NUF2: variants seen among roughly 807,000 people sequenced by gnomAD.
The protein encoded by NUF2 is NUF2 component of NDC80 kinetochore complex.
In NUF2, 34 loss-of-function variants were observed where a neutral mutation model predicts 61.8. The ratio of observed to expected loss-of-function variants is 0.55; its 90% CI spans 0.42 to 0.73. The LOEUF is 0.73. Among genes scored for constraint, NUF2 ranks in the 30% least tolerant of loss-of-function variants. The pLI, the probability that NUF2 is intolerant of heterozygous loss-of-function variation, is 0.00. For missense variants in NUF2, 445 were observed against 539.1 expected, an observed-to-expected ratio of 0.83 and a Z score of 1.73; for synonymous variants, 172 against 181.6, an observed-to-expected ratio of 0.95 and a Z score of 0.42.
At chr1:163,347,016 T>C (rs537289957) in intron 11 of NUF2, among the ~76,000 whole-genome samples, 1 of 152,280 alleles carries the variant, frequency 6.6e-6, no homozygotes, top group South Asian at 2.1e-4. Flanking sequence ...ACTGTAACCA[T>C]GGAAAGTGAA....
chr1:163,346,157 A>G (rs1651120621), intron 11 of NUF2: 1 of 153,958 alleles, frequency 6.5e-6, no homozygotes, highest in East Asian at 1.9e-4. Context: ...AACAAACCTT[A>G]TATATATATA....
At chr1:163,352,266 G>A (rs12024888) in intron 13 of NUF2, among the ~76,000 whole-genome samples, 1 of 152,080 alleles carries the variant, frequency 6.6e-6, no homozygotes, top group Non-Finnish European at 1.5e-5. Context: ...ATTATTATAC[G>A]TCTGTCACAT....
Position 163,355,414 on chromosome 1 carries a change from A to C in NUF2, c.1340A>C (p.Lys447Thr). The C allele has an allele frequency of 6.2e-7, 1 of 1,608,548 alleles. No homozygotes were observed. The highest frequency in any genetic ancestry group is 8.5e-7 in the Non-Finnish European group (1 of 1,176,828). Reference sequence around the variant, plus strand: ...AAGGCAGCAGAGGACTCCTATGCTAAGATAGATGAGAAGACAGCTGAACTG... The same window carrying C: ...AAGGCAGCAGAGGACTCCTATGCTACGATAGATGAGAAGACAGCTGAACTG... The part of the protein sequence containing the change: ...IEKAAEDSYA[K>T]IDEKTAELKR... The change falls in exon 14 of 14, where the codon AAG (lysine) becomes ACG (threonine). Residue 447 changes from lysine (K) to threonine (T), a missense_variant. Physicochemically the swap from Lys to Thr is moderately conservative, Grantham distance 78. Coordinates refer to ENST00000271452, the MANE Select transcript of NUF2 (RefSeq NM_145697.3).
intron 9 of NUF2, among the ~76,000 whole-genome samples, chr1:163,343,082 C>T (rs1342131710): frequency 6.6e-6 from 1 of 152,126 alleles, no homozygotes; most frequent in Non-Finnish European, 1.5e-5. Context: ...TCCAGCTACC[C>T]TTCACTTTGA....
intron 8 of NUF2, among the ~76,000 whole-genome samples, chr1:163,340,008 C>T (rs541565731): frequency 3.9e-5 from 6 of 152,240 alleles, no homozygotes; most frequent in African/African-American, 7.2e-5. Context: ...CTGAAATATA[C>T]GCTCCAACGT....
intron 12 of NUF2, 49 bp downstream of exon 12, chr1:163,347,987 A>G (rs556751790): frequency 1.5e-6 from 2 of 1,304,424 alleles, no homozygotes; most frequent in African/African-American, 3.1e-5. Flanking sequence ...ATTATGAAAA[A>G]CAAATACATT....
intron 2 of NUF2, among the ~76,000 whole-genome samples, chr1:163,326,785 C>T (rs1477147698): frequency 6.7e-6 from 1 of 149,824 alleles, no homozygotes; most frequent in Admixed American, 6.6e-5. Flanking sequence ...TGTCACTACC[C>T]TCTTTGATTC....
chr1:163,329,238 G>T (rs963687166), intron 5 of NUF2, among the ~76,000 whole-genome samples: 3 of 151,832 alleles, frequency 2.0e-5, no homozygotes, highest in African/African-American at 7.3e-5. Flanking sequence ...TCAAATGTAA[G>T]AATTACTATT....
chr1:163,328,414 T>A, intron 4 of NUF2, 110 bp downstream of exon 4: 1 of 633,998 alleles, frequency 1.6e-6, no homozygotes, highest in East Asian at 2.8e-5. Context: ...ATGTTCCTTT[T>A]CATTTCATCC....
At chr1:163,330,627 A>G (rs1650564037) in intron 5 of NUF2, among the ~76,000 whole-genome samples, 1 of 152,040 alleles carries the variant, frequency 6.6e-6, no homozygotes, top group Non-Finnish European at 1.5e-5. Flanking sequence ...TTTGATTGAG[A>G]TTACTTTTAA....
chr1:163,333,773 GAT>G (rs1289204037), intron 5 of NUF2, among the ~76,000 whole-genome samples: 1 of 151,968 alleles, frequency 6.6e-6, no homozygotes, highest in Non-Finnish European at 1.5e-5. Context: ...CACCTTAATC[GAT>G]ATTAGATTTG....
chr1:163,330,220 C>G (rs931622472), intron 5 of NUF2, among the ~76,000 whole-genome samples: 3 of 152,132 alleles, frequency 2.0e-5, no homozygotes, highest in Non-Finnish European at 2.9e-5. Context: ...AGTGCAAGTT[C>G]ATCAGTTGTA....
intron 10 of NUF2, among the ~76,000 whole-genome samples, chr1:163,345,340 C>T (rs948379589): frequency 9.2e-5 from 14 of 151,996 alleles, no homozygotes; most frequent in African/African-American, 2.9e-4. Context: ...ATGAGTAATA[C>T]GATTGATTGC....
intron 9 of NUF2, among the ~76,000 whole-genome samples, chr1:163,343,248 T>C (rs1651007881): frequency 6.6e-6 from 1 of 152,172 alleles, no homozygotes; most frequent in Non-Finnish European, 1.5e-5. Context: ...CTCAGTCTTA[T>C]GAAACACATA....
rs186363601 is a variant in NUF2 at position 163,341,036 on chromosome 1, A to G, written c.669+610A>G. ...TGGGTCATAGGAAATACACATGTAA[A>G]ATTGACCAATGCAGCCAAGCTGATT... On this transcript the variant is annotated intron_variant, in intron 9 of 13. Coordinates refer to ENST00000271452, the MANE Select transcript of NUF2 (RefSeq NM_145697.3). Among the ~76,000 whole-genome samples the G allele has an allele frequency of 1.1e-3, 166 of 152,200 alleles. 1 individual carries two copies. Among genetic ancestry groups the G allele is most frequent in the African/African-American group, 3.8e-3 (157 of 41,532 alleles).
At chr1:163,340,941 C>G (rs749550810) in intron 9 of NUF2, among the ~76,000 whole-genome samples, 1 of 152,062 alleles carries the variant, frequency 6.6e-6, no homozygotes, top group Non-Finnish European at 1.5e-5. Context: ...CATATGCATA[C>G]ATATGTACAT....
chr1:163,351,263 A>G (rs890111920), intron 13 of NUF2, among the ~76,000 whole-genome samples: 29 of 152,174 alleles, frequency 1.9e-4, no homozygotes, highest in African/African-American at 6.5e-4. Flanking sequence ...ATTGGGGTAG[A>G]TTTTTAGCAG....
chr1:163,345,100 G>A (rs1651078852), intron 10 of NUF2, among the ~76,000 whole-genome samples: 1 of 152,066 alleles, frequency 6.6e-6, no homozygotes, highest in African/African-American at 2.4e-5. Flanking sequence ...ATGACAGGTA[G>A]AGGGATTATA....
rs746285018 is a variant in NUF2, at chr1:163,328,213, G to A, written c.199-15G>A. On this transcript the variant is annotated splice_polypyrimidine_tract_variant and intron_variant, in intron 3 of 13. Transcript: ENST00000271452. ...ATCAATGTGTAATGTCGATTTTGTGGTTTATTGCATTTAGATGCCAGTGAA... is the reference window on the plus strand; with the variant it reads ...ATCAATGTGTAATGTCGATTTTGTGATTTATTGCATTTAGATGCCAGTGAA... 5 of 1,577,426 alleles carry A rather than the reference G, an allele frequency of 3.2e-6. No homozygotes were observed. Among genetic ancestry groups the A allele is most frequent in the Non-Finnish European group, 3.5e-6 (4 of 1,153,814 alleles).
Sources: gnomAD v4.1 joint callset for allele counts (sites outside exome capture counted in the v4.1 genomes callset) on GRCh38, gnomAD v4.1.1 for gene constraint, MANE v1.5 for transcripts, NCBI Gene and HGNC (gene_info 2026-07-23, HGNC 2026-07-21) for gene names.